STXBP3: variants seen among roughly 807,000 people sequenced by gnomAD.
STXBP3 encodes syntaxin-binding protein 3.
A neutral mutation model predicts 85.7 loss-of-function variants in STXBP3; 41 were observed. The observed-to-expected ratio is 0.48, with a 90% CI of 0.37 to 0.62. The LOEUF (loss-of-function observed/expected upper bound fraction) is 0.62. Among genes scored for constraint, STXBP3 ranks in the 20% least tolerant of loss-of-function variants. STXBP3 has a pLI of 0.00. For synonymous variants in STXBP3, 229 were observed against 231.7 expected (o/e 0.99, Z 0.10); for missense variants, 563 against 703.1 (o/e 0.80, Z 2.25).
intron 12 of STXBP3, among the ~76,000 whole-genome samples, chr1:108,794,442 A>C (rs983219471): frequency 2.6e-5 from 4 of 152,226 alleles, no homozygotes; most frequent in Admixed American, 2.0e-4. Flanking sequence ...ACAAAGCTAC[A>C]GGAGGGAGAA....
At chr1:108,774,276 C>T (rs1254393766) in intron 7 of STXBP3, among the ~76,000 whole-genome samples, 1 of 152,014 alleles carries the variant, frequency 6.6e-6, no homozygotes, top group Non-Finnish European at 1.5e-5. Flanking sequence ...ATAATACCTA[C>T]CATATACAGT....
chr1:108,794,960 T>C, intron 13 of STXBP3, 53 bp downstream of exon 13: 1 of 1,490,006 alleles, frequency 6.7e-7, no homozygotes, highest in Non-Finnish European at 9.1e-7. Flanking sequence ...AAGGATAAAC[T>C]TTGTAAGTTA....
intron 17 of STXBP3, 28 bp from the exon 18 acceptor site, chr1:108,807,373 A>G: frequency 1.3e-6 from 2 of 1,569,764 alleles, no homozygotes; most frequent in Non-Finnish European, 1.7e-6. Flanking sequence ...TAACATGTTT[A>G]CTTTTTTTTT....
intron 6 of STXBP3, among the ~76,000 whole-genome samples, chr1:108,760,866 C>T (rs1180976046): frequency 1.3e-5 from 2 of 151,978 alleles, no homozygotes; most frequent in Non-Finnish European, 2.9e-5. Context: ...GGGATTTCTA[C>T]TATATTACTT....
In STXBP3 at chr1:108,756,653, A is replaced by G. The variant is rs1465175867; in HGVS notation, c.182-37A>G. 4 of 1,223,038 alleles carry G rather than the reference A, an allele frequency of 3.3e-6. No homozygotes were observed. The Admixed American group carries it at 7.2e-5, about 22-fold the overall frequency. 75.8% of individuals were successfully genotyped at this position (1,223,038 alleles called of 1,614,324 possible). A position where few individuals can be genotyped will look rare whatever the true frequency, so the allele number is the denominator to read the frequency against. ...TTTAAAAATTATTTTAAGTATATAA[A>G]TATTTGGTTATATAAAATGACCTTT... On this transcript the variant is annotated intron_variant, in intron 3 of 18. Coordinates refer to ENST00000370008, the MANE Select transcript of STXBP3 (RefSeq NM_007269.4).
intron 6 of STXBP3, among the ~76,000 whole-genome samples, chr1:108,764,462 G>A (rs1389700173): frequency 6.6e-6 from 1 of 152,126 alleles, no homozygotes; most frequent in Non-Finnish European, 1.5e-5. Flanking sequence ...AGGTCTTTGA[G>A]GAATCACCAC....
intron 7 of STXBP3, among the ~76,000 whole-genome samples, chr1:108,773,043 C>T (rs958960226): frequency 4.6e-5 from 7 of 152,124 alleles, no homozygotes; most frequent in African/African-American, 7.2e-5. Flanking sequence ...AATTTACGGA[C>T]GGTTTTTCAT....
intron 11 of STXBP3, among the ~76,000 whole-genome samples, chr1:108,784,644 A>G (rs938203996): frequency 2.0e-5 from 3 of 152,226 alleles, no homozygotes; most frequent in African/African-American, 7.2e-5. Flanking sequence ...CCCTTCCAAC[A>G]GTCCCCTACA....
At chr1:108,775,062 A>G (rs1662557774) in intron 7 of STXBP3, among the ~76,000 whole-genome samples, 1 of 152,124 alleles carries the variant, frequency 6.6e-6, no homozygotes. Flanking sequence ...TAGTACAAAG[A>G]GTTTAATTTA....
intron 17 of STXBP3, among the ~76,000 whole-genome samples, chr1:108,804,878 A>G (rs1663298530): frequency 6.6e-6 from 1 of 152,226 alleles, no homozygotes; most frequent in African/African-American, 2.4e-5. Context: ...GTTTGCTAAC[A>G]TCAGAAAATA....
At chr1:108,787,625 A>G (rs1662887013) in intron 11 of STXBP3, among the ~76,000 whole-genome samples, 1 of 152,102 alleles carries the variant, frequency 6.6e-6, no homozygotes, top group African/African-American at 2.4e-5. Flanking sequence ...ACTGGTGATA[A>G]TGAGCGTCCT....
chr1:108,755,161 T>C (rs1661991482), intron 3 of STXBP3, among the ~76,000 whole-genome samples: 1 of 152,056 alleles, frequency 6.6e-6, no homozygotes, highest in Non-Finnish European at 1.5e-5. Context: ...AAAAATAAAC[T>C]GAAGCTGGGT....
intron 7 of STXBP3, among the ~76,000 whole-genome samples, chr1:108,773,853 A>G (rs1302004736): frequency 6.6e-6 from 1 of 151,964 alleles, no homozygotes; most frequent in Non-Finnish European, 1.5e-5. Flanking sequence ...TTTCCTCTGC[A>G]TTATATCGAG....
chr1:108,783,263 C>A (rs1032305307), intron 11 of STXBP3, among the ~76,000 whole-genome samples: 2 of 152,136 alleles, frequency 1.3e-5, no homozygotes, highest in African/African-American at 4.8e-5. Flanking sequence ...ATAAGTAAAG[C>A]ACACAAATCT....
intron 17 of STXBP3, among the ~76,000 whole-genome samples, chr1:108,805,540 T>A (rs138217173): frequency 1.3e-5 from 2 of 151,068 alleles, no homozygotes; most frequent in Non-Finnish European, 2.9e-5. Flanking sequence ...TTCTTCTGCC[T>A]CAGTTTCCTG....
intron 6 of STXBP3, among the ~76,000 whole-genome samples, chr1:108,768,085 T>G (rs1662307353): frequency 6.6e-6 from 1 of 152,208 alleles, no homozygotes; most frequent in Non-Finnish European, 1.5e-5. Context: ...AGGATGTTTG[T>G]TGGAGAAGCA....
intron 11 of STXBP3, among the ~76,000 whole-genome samples, chr1:108,790,982 C>A (rs1263025732): frequency 6.6e-6 from 1 of 151,940 alleles, no homozygotes. Context: ...TTATTATTAC[C>A]CACATATTTA....
Position 108,796,389 on chromosome 1 carries a change from C to A in STXBP3, c.1249+17C>A. 1 of 1,430,278 alleles carries A rather than the reference C, an allele frequency of 7.0e-7. No individual in the cohort carries two copies. Among genetic ancestry groups the A allele is most frequent in the Non-Finnish European group, 9.7e-7 (1 of 1,032,048 alleles). The allele number at this position is 1,430,278 out of a possible 1,614,324, so 88.6% of individuals were successfully genotyped here. A position where few individuals can be genotyped will look rare whatever the true frequency, so the allele number is the denominator to read the frequency against. ...GTATTAATGGTAATGGAGATAATCA[C>A]TTTTTAATAAGTATTTTACTATTGA... On this transcript the variant is annotated intron_variant, in intron 14 of 18. Coordinates refer to ENST00000370008, the MANE Select transcript of STXBP3 (RefSeq NM_007269.4).
chr1:108,751,246 A>G (rs987433549), intron 1 of STXBP3, among the ~76,000 whole-genome samples: 2 of 152,076 alleles, frequency 1.3e-5, no homozygotes, highest in Non-Finnish European at 2.9e-5. Context: ...GAGTCATTTC[A>G]TTTGCAGACG....
Sources: gnomAD v4.1 joint callset for allele counts (sites outside exome capture counted in the v4.1 genomes callset) on GRCh38, gnomAD v4.1.1 for gene constraint, MANE v1.5 for transcripts, NCBI Gene and HGNC (gene_info 2026-07-23, HGNC 2026-07-21) for gene names.